INCA1: variants seen among roughly 807,000 people sequenced by gnomAD.
INCA1 encodes protein INCA1.
INCA1 carries 28 observed loss-of-function variants against 25.7 expected under a neutral mutation model. The observed-to-expected ratio is 1.09, with a 90% CI of 0.81 to 1.49. INCA1 has a LOEUF of 1.49. Among genes scored for constraint, INCA1 ranks in the 40% most tolerant of loss-of-function variants. The pLI, the probability that INCA1 is intolerant of heterozygous loss-of-function variation, is 0.00. For synonymous variants in INCA1, 111 were observed against 103.6 expected (o/e 1.07, Z -0.43); for missense variants, 309 against 290.9 (o/e 1.06, Z -0.45).
intron 1 of INCA1, 91 bp from the exon 2 acceptor site, chr17:4,994,566 C>T (rs996791469): frequency 1.9e-5 from 17 of 914,572 alleles, no homozygotes; most frequent in African/African-American, 6.7e-5. Context: ...CCAAGGCGGG[C>T]GGATCATGAG....
intron 2 of INCA1, among the ~76,000 whole-genome samples, chr17:4,993,045 A>T (rs552124021): frequency 1.3e-5 from 2 of 150,818 alleles, no homozygotes; most frequent in East Asian, 3.9e-4. Context: ...ACACTCGGCT[A>T]ATTTTTGTAT....
At chr17:4,994,116 T>C (rs1974065102) in intron 2 of INCA1, among the ~76,000 whole-genome samples, 1 of 152,170 alleles carries the variant, frequency 6.6e-6, no homozygotes, top group Admixed American at 6.5e-5. Context: ...GCTGAAATTG[T>C]ATTTGTTTGC....
chr17:4,989,032 C>T, intron 5 of INCA1, 88 bp from the exon 6 acceptor site: 1 of 1,355,412 alleles, frequency 7.4e-7, no homozygotes, highest in East Asian at 2.4e-5. Flanking sequence ...TGAAATACTT[C>T]CTGCTGGGAC....
chr17:4,988,703 T>TC lies in INCA1; in HGVS notation c.561+75dup, dbSNP rs1212007574. The stretch of plus-strand genomic sequence containing the variant: ...CAAATCCAGCTCTCCAGCCTGGCTC[T>TC]CAGCTTCTGCATCTCCATGCAAGAC... On this transcript the variant is annotated intron_variant, in intron 6 of 6. Coordinates refer to ENST00000576820, the Ensembl canonical transcript of INCA1. The TC allele has an allele frequency of 5.7e-6, 9 of 1,591,724 alleles. No homozygotes were observed. In the East Asian group the frequency reaches 2.0e-4, roughly 36 times the overall value.
At chr17:4,988,893 C>G (rs1216231242) in exon 6 of INCA1, 4 of 1,614,242 alleles carry the variant, frequency 2.5e-6, no homozygotes, top group East Asian at 4.5e-5. Flanking sequence ...CTTCGCCAAG[C>G]ACCACTGGCT....
At chr17:4,997,383 T>A (rs1055213232), upstream of INCA1, 3 of 152,214 alleles carry the variant, frequency 2.0e-5, no homozygotes, top group Non-Finnish European at 2.9e-5. Flanking sequence ...CACCCGGGCC[T>A]GAAGGGGTTG....
At chr17:4,994,939 C>T (rs548707502) in intron 1 of INCA1, among the ~76,000 whole-genome samples, 44 of 152,236 alleles carry the variant, frequency 2.9e-4, no homozygotes, top group Admixed American at 1.9e-3. Flanking sequence ...GGCGCAGTGG[C>T]TTATGCCTGT....
chr17:4,992,309 G>C (rs1973925331), intron 2 of INCA1, among the ~76,000 whole-genome samples: 1 of 152,010 alleles, frequency 6.6e-6, no homozygotes, highest in Non-Finnish European at 1.5e-5. Flanking sequence ...TTTTGAGACA[G>C]TCTCACTCTG....
chr17:4,989,803 G>A (rs1411029339), intron 4 of INCA1, 87 bp downstream of exon 4: 1 of 1,594,718 alleles, frequency 6.3e-7, no homozygotes, highest in African/African-American at 1.3e-5. Flanking sequence ...ATAACAGAGG[G>A]AAGCGGTAAT....
chr17:4,989,509 C>A, exon 5 of INCA1: 1 of 1,614,246 alleles, frequency 6.2e-7, no homozygotes, highest in Non-Finnish European at 8.5e-7. Context: ...TCCCCCAAGG[C>A]CCTGCTGCTG....
intron 1 of INCA1, chr17:4,996,941 C>T (rs1428193238): frequency 6.5e-6 from 1 of 152,974 alleles, no homozygotes; most frequent in African/African-American, 2.4e-5. Context: ...CAGCAGAACG[C>T]GAGGGAGCAG....
chr17:4,997,160 G>C (rs1363836502), upstream of INCA1: 2 of 152,596 alleles, frequency 1.3e-5, no homozygotes, highest in African/African-American at 4.8e-5. Context: ...GGGAAGCGCC[G>C]GGCCGGAGGG....
At chr17:4,993,173 C>T (rs1248848714) in intron 2 of INCA1, among the ~76,000 whole-genome samples, 2 of 151,628 alleles carry the variant, frequency 1.3e-5, no homozygotes, top group African/African-American at 4.8e-5. Context: ...AGCCACCACG[C>T]CTGACCTTGT....
exon 3 of INCA1, chr17:4,990,154 G>A: frequency 6.2e-7 from 1 of 1,614,126 alleles, no homozygotes. Context: ...CTACTCACGT[G>A]GGCCTTTGAT....
intron 2 of INCA1, among the ~76,000 whole-genome samples, chr17:4,993,192 T>C (rs547732900): frequency 6.6e-6 from 1 of 151,642 alleles, no homozygotes; most frequent in East Asian, 1.9e-4. Flanking sequence ...GTTTTTTTGT[T>C]TTTTGAGACG....
rs1309821611 is a variant in INCA1, at chr17:4,989,035, G to A, written c.396-91C>T. On this transcript the variant is annotated intron_variant, in intron 5 of 6. Coordinates refer to ENST00000576820, the Ensembl canonical transcript of INCA1. ...ACCTTTCTGTTCTGAAATACTTCCT[G>A]CTGGGACTCCAGGGAGTTGTCATTT... 9.7e-6 allele frequency: 13 copies of A among 1,346,486 alleles called. No homozygotes were observed. In the African/African-American group the frequency reaches 1.9e-4, roughly 20 times the overall value. The allele number at this position is 1,346,486 out of a possible 1,614,324, so 83.4% of individuals were successfully genotyped here.
intron 2 of INCA1, among the ~76,000 whole-genome samples, chr17:4,993,960 TG>T (rs1331368131): frequency 6.6e-6 from 1 of 150,728 alleles, no homozygotes; most frequent in Non-Finnish European, 1.5e-5. Context: ...CTAGTAGAGA[TG>T]GGGTTTTGTC....
intron 4 of INCA1, 85 bp from the exon 5 acceptor site, chr17:4,989,709 G>C (rs1407978372): frequency 3.8e-6 from 6 of 1,573,096 alleles, no homozygotes; most frequent in Admixed American, 1.7e-5. Context: ...AGGGAGTCTG[G>C]GGTCTTGGGA....
exon 6 of INCA1, chr17:4,988,793 G>C: frequency 6.2e-7 from 1 of 1,614,176 alleles, no homozygotes; most frequent in South Asian, 1.1e-5. Context: ...GCCCTGCCAG[G>C]AGTGAGAAAA....
Sources: gnomAD v4.1 joint callset for allele counts (sites outside exome capture counted in the v4.1 genomes callset) on GRCh38, gnomAD v4.1.1 for gene constraint, MANE v1.5 for transcripts, NCBI Gene and HGNC (gene_info 2026-07-23, HGNC 2026-07-21) for gene names.